The following RANBP2 variants were observed in gnomAD, a reference collection of about 807,000 sequenced individuals.
RANBP2 encodes RAN binding protein 2, also known as E3 SUMO-protein ligase RanBP2.
In RANBP2, 57 loss-of-function variants were observed where a neutral mutation model predicts 303.6. The ratio of observed to expected loss-of-function variants is 0.19; its 90% CI spans 0.15 to 0.23. The LOEUF (loss-of-function observed/expected upper bound fraction) is 0.23. RANBP2 is among the 10% of genes least tolerant of loss of function. RANBP2 has a pLI of 1.00. For missense variants in RANBP2, 3,138 were observed against 3,780.8 expected, an observed-to-expected ratio of 0.83 and a Z score of 4.46; for synonymous variants, 1,167 against 1,301.5, an observed-to-expected ratio of 0.90 and a Z score of 2.23.
At chr2:109,461,377 A>G in the RANBP2 span, among the ~76,000 whole-genome samples, 5 of 151,938 alleles carry the variant, frequency 3.3e-5, no homozygotes, top group Non-Finnish European at 7.4e-5. Context: ...CCAAAATCCT[A>G]AAGACCTGCG....
At chr2:109,207,874 G>T in the RANBP2 span, among the ~76,000 whole-genome samples, 1 of 151,926 alleles carries the variant, frequency 6.6e-6, no homozygotes, top group East Asian at 1.9e-4. Context: ...TTAACAAATT[G>T]GCCTATGGCA....
At chr2:108,741,905 A>G (rs1696133702) in intron 7 of RANBP2, among the ~76,000 whole-genome samples, 1 of 151,664 alleles carries the variant, frequency 6.6e-6, no homozygotes, top group Non-Finnish European at 1.5e-5. Context: ...CACGCTTAGA[A>G]AAATGATTGT....
chr2:108,734,380 T>C (rs1695404756), intron 4 of RANBP2, among the ~76,000 whole-genome samples: 1 of 152,106 alleles, frequency 6.6e-6, no homozygotes, highest in African/African-American at 2.4e-5. Context: ...ACTAAAATGG[T>C]ATTTTGTTTT....
chr2:109,356,379 T>C, the RANBP2 span, among the ~76,000 whole-genome samples: 24 of 152,238 alleles, frequency 1.6e-4, 1 homozygote. Context: ...TAGGTCTATG[T>C]TGGACTTGCC....
the RANBP2 span, among the ~76,000 whole-genome samples, chr2:109,715,024 C>A: frequency 6.6e-6 from 1 of 152,014 alleles, no homozygotes; most frequent in African/African-American, 2.4e-5. Flanking sequence ...GGCTGGAGTG[C>A]AATAGTGTGA....
chr2:109,648,823 T>G, the RANBP2 span, among the ~76,000 whole-genome samples: 10 of 151,940 alleles, frequency 6.6e-5, no homozygotes, highest in Non-Finnish European at 1.3e-4. Context: ...CGGGCTCATT[T>G]TTGTATTTTT....
intron 6 of RANBP2, 88 bp downstream of exon 6, chr2:108,736,337 TC>T (rs1381209626): frequency 6.2e-7 from 1 of 1,605,890 alleles, no homozygotes; most frequent in African/African-American, 1.3e-5. Flanking sequence ...CTTCACTGAA[TC>T]ATTATTTGTA....
At chr2:108,976,404 C>G in the RANBP2 span, among the ~76,000 whole-genome samples, 1 of 152,300 alleles carries the variant, frequency 6.6e-6, no homozygotes, top group East Asian at 1.9e-4. Context: ...CAGCATGGCT[C>G]AGGATTGCTG....
At chr2:108,789,945 G>A (rs1288138879), downstream of RANBP2, among the ~76,000 whole-genome samples, 1 of 152,182 alleles carries the variant, frequency 6.6e-6, no homozygotes, top group Non-Finnish European at 1.5e-5. Context: ...AAATAAAGAT[G>A]TATCCATATA....
chr2:109,216,291 G>T, the RANBP2 span, among the ~76,000 whole-genome samples: 1 of 152,308 alleles, frequency 6.6e-6, no homozygotes, highest in South Asian at 2.1e-4. Flanking sequence ...AAAGGGAAGG[G>T]GATTAAAGGA....
the RANBP2 span, among the ~76,000 whole-genome samples, chr2:109,228,439 A>G: frequency 6.6e-6 from 1 of 152,208 alleles, no homozygotes; most frequent in Non-Finnish European, 1.5e-5. Context: ...AACACTTCTG[A>G]TACCAGATGT....
the RANBP2 span, among the ~76,000 whole-genome samples, chr2:108,822,644 ATAAC>A: frequency 6.6e-6 from 1 of 152,246 alleles, no homozygotes; most frequent in African/African-American, 2.4e-5. Context: ...CCAAGGAAGG[ATAAC>A]TATAAAATCC....
At chr2:108,944,726 C>T in the RANBP2 span, among the ~76,000 whole-genome samples, 3 of 152,128 alleles carry the variant, frequency 2.0e-5, no homozygotes, top group South Asian at 2.1e-4. Flanking sequence ...TGCAGCACCC[C>T]CACCGTGCAG....
At chr2:109,552,766 G>A in the RANBP2 span, 6 of 216,200 alleles carry the variant, frequency 2.8e-5, no homozygotes, top group African/African-American at 1.2e-4. Context: ...ATTGTATACC[G>A]TGGATTCAAG....
At chr2:109,386,832 A>G in the RANBP2 span, among the ~76,000 whole-genome samples, 1 of 152,156 alleles carries the variant, frequency 6.6e-6, no homozygotes, top group South Asian at 2.1e-4. Flanking sequence ...TCACAAAACC[A>G]AAGACACCAA....
the RANBP2 span, chr2:109,567,780 T>G: frequency 5.3e-5 from 81 of 1,526,550 alleles, no homozygotes; most frequent in Non-Finnish European, 6.9e-5. Flanking sequence ...TATTTTCACA[T>G]GGAAAACAGA....
the RANBP2 span, among the ~76,000 whole-genome samples, chr2:108,838,959 A>C: frequency 6.6e-6 from 1 of 152,182 alleles, no homozygotes; most frequent in East Asian, 1.9e-4. Context: ...TAATCTCCTT[A>C]AACTAGATGT....
the RANBP2 span, among the ~76,000 whole-genome samples, chr2:108,886,301 A>G: frequency 2.0e-5 from 3 of 152,188 alleles, no homozygotes; most frequent in African/African-American, 7.2e-5. Flanking sequence ...GACTGGGGTA[A>G]GATGATATCT....
At chr2:109,439,854 T>C in the RANBP2 span, among the ~76,000 whole-genome samples, 42 of 152,182 alleles carry the variant, frequency 2.8e-4, no homozygotes, top group South Asian at 8.1e-3. Context: ...AACAAAGTTC[T>C]GTGGTGGGTT....
Sources: gnomAD v4.1 joint callset for allele counts (sites outside exome capture counted in the v4.1 genomes callset) on GRCh38, gnomAD v4.1.1 for gene constraint, MANE v1.5 for transcripts, NCBI Gene and HGNC (gene_info 2026-07-23, HGNC 2026-07-21) for gene names.